ABHD3: variants seen among roughly 807,000 people sequenced by gnomAD.
ABHD3 encodes the protein abhydrolase domain containing 3, phospholipase, also known as phospholipase ABHD3.
A neutral mutation model predicts 48.8 loss-of-function variants in ABHD3; 46 were observed. The observed-to-expected ratio is 0.94, with a 90% CI of 0.74 to 1.20. ABHD3 has a LOEUF of 1.20. Ranked by LOEUF, ABHD3 falls within the 50% of genes most tolerant of loss-of-function variation. The pLI is 0.00. For synonymous variants in ABHD3, 192 were observed against 183.7 expected, an observed-to-expected ratio of 1.04 and a Z score of -0.36; for missense variants, 490 against 497.8, an observed-to-expected ratio of 0.98 and a Z score of 0.15.
Position 21,651,643 on chromosome 18 carries a change from A to G in ABHD3, c.1178T>C (p.Val393Ala), listed in dbSNP as rs947509675. 35 of 1,613,992 alleles carry G rather than the reference A, an allele frequency of 2.2e-5. No individual in the cohort carries two copies. Among genetic ancestry groups the G allele is most frequent in the Non-Finnish European group, 3.0e-5 (35 of 1,180,024 alleles). Residue 393 changes from valine (V) to alanine (A), a missense_variant, in exon 9 of 9, where the codon GTC (valine) becomes GCC (alanine). Transcript: ENST00000289119. ...WPRQSTYMDRVFKQFVQAMVE... is the reference protein window; with the variant it reads ...WPRQSTYMDRAFKQFVQAMVE... ...CATGGCTTGCACAAATTGCTTGAAG[A>G]CACGATCCATGTAAGTGGACTGTCT...
intron 4 of ABHD3, 64 bp from the exon 5 acceptor site, chr18:21,664,294 G>GA (rs2039572595): frequency 4.0e-6 from 6 of 1,500,702 alleles, no homozygotes; most frequent in Non-Finnish European, 5.5e-6. Context: ...GTAAAATGCA[G>GA]AAATGTAAAC....
At chr18:21,687,365 C>G (rs1176006792) in intron 3 of ABHD3, among the ~76,000 whole-genome samples, 1 of 145,152 alleles carries the variant, frequency 6.9e-6, no homozygotes, top group Non-Finnish European at 1.5e-5. Context: ...CCTACCACCA[C>G]GCCAGGCTAA....
At chr18:21,679,990 T>TA (rs1340421941) in intron 4 of ABHD3, among the ~76,000 whole-genome samples, 1 of 151,100 alleles carries the variant, frequency 6.6e-6, no homozygotes, top group Non-Finnish European at 1.5e-5. Context: ...AGCTTTATCT[T>TA]ACAAGATATT....
intron 5 of ABHD3, chr18:21,663,649 CAACAAAACAA>C (rs764116075): frequency 6.5e-7 from 1 of 1,533,194 alleles, no homozygotes; most frequent in Non-Finnish European, 8.7e-7. Flanking sequence ...ATTTGCCCAG[CAACAAAACAA>C]AACAAAACAA....
At chr18:21,682,789 A>C (rs2040035344) in intron 4 of ABHD3, 1 of 152,234 alleles carries the variant, frequency 6.6e-6, no homozygotes, top group Non-Finnish European at 1.5e-5. Flanking sequence ...GAGCTGCTCA[A>C]AATGATTTGC....
chr18:21,661,233 T>C (rs1374621597), intron 5 of ABHD3, among the ~76,000 whole-genome samples: 1 of 152,068 alleles, frequency 6.6e-6, no homozygotes, highest in Non-Finnish European at 1.5e-5. Flanking sequence ...ACAAGACTAT[T>C]TGGGAAATGT....
chr18:21,680,851 A>G (rs2039988557), intron 4 of ABHD3, among the ~76,000 whole-genome samples: 1 of 93,272 alleles, frequency 1.1e-5, no homozygotes, highest in East Asian at 2.8e-4. Context: ...TTCTTTTTCA[A>G]ATGTGTGTGT....
At chr18:21,669,763 C>T (rs1471189866) in intron 4 of ABHD3, among the ~76,000 whole-genome samples, 4 of 152,156 alleles carry the variant, frequency 2.6e-5, no homozygotes, top group Non-Finnish European at 4.4e-5. Context: ...ACATGGCATT[C>T]TCCCTCTCCC....
intron 4 of ABHD3, among the ~76,000 whole-genome samples, chr18:21,680,839 T>G (rs2039988189): frequency 6.7e-6 from 1 of 148,930 alleles, no homozygotes; most frequent in Non-Finnish European, 1.5e-5. Flanking sequence ...TTGTTTCTTT[T>G]TTTCTTTTTC....
rs1288515872 is a variant in ABHD3, at chr18:21,704,596, G to C, written c.70C>G (p.Arg24Gly). 6.4e-7 allele frequency: 1 copy of C among 1,554,020 alleles called. No homozygotes were observed. The highest frequency in any genetic ancestry group is 8.7e-7 in the Non-Finnish European group (1 of 1,152,738). ...ELSLYLEHQV[R>G]VGFFGSGVGL... The stretch of plus-strand genomic sequence containing the variant: ...ACCCCCGAGCCGAAGAACCCCACCC[G>C]GACTTGGTGTTCCAGGTAGAGGGAG... Residue 24 changes from arginine (R) to glycine (G), a missense_variant, in exon 1 of 9, where the codon CGG becomes GGG. Physicochemically the swap from Arg to Gly is moderately radical, Grantham distance 125. Transcript: ENST00000289119.
chr18:21,703,910 G>A lies in ABHD3; in HGVS notation c.163-163C>T, dbSNP rs573799197. On this transcript the variant is annotated intron_variant, in intron 1 of 8. Transcript: ENST00000289119. ...TTCACAGTCACAGAGGACTGAAACG[G>A]GGGTTTCGCCAATGCCCCGAGGGGA... 572 of 698,880 alleles carry A rather than the reference G, an allele frequency of 8.2e-4. 1 individual carries two copies. Among genetic ancestry groups the A allele is most frequent in the Non-Finnish European group, 1.2e-3 (495 of 427,830 alleles). 43.3% of individuals were successfully genotyped at this position (698,880 alleles called of 1,614,324 possible).
chr18:21,703,947 G>A (rs978135842), intron 1 of ABHD3, 200 bp from the exon 2 acceptor site: 27 of 563,304 alleles, frequency 4.8e-5, no homozygotes, highest in African/African-American at 4.5e-4. Flanking sequence ...GGCGAGAATC[G>A]CGATAAGGGA....
At position 21,659,292 on chromosome 18, in the gene ABHD3, C is replaced by A. The variant is rs1047500664; in HGVS notation, c.720G>T (p.Met240Ile). ...LGKIGSKTPL[M>I]AAATFSVGWN... The stretch of plus-strand genomic sequence containing the variant: ...AACCAACGGAAAAAGTTGCAGCTGC[C>A]ATCAAAGGCGTTTTGGACCCAATTT... Residue 240 changes from methionine to isoleucine, a missense_variant, in exon 6 of 9, where the codon ATG (methionine) becomes ATT (isoleucine). Coordinates refer to ENST00000289119, the MANE Select transcript of ABHD3 (RefSeq NM_138340.5). 2 of 1,613,218 alleles carry A rather than the reference C, an allele frequency of 1.2e-6. No homozygotes were observed. The highest frequency in any genetic ancestry group is 1.7e-6 in the Non-Finnish European group (2 of 1,179,750).
intron 3 of ABHD3, among the ~76,000 whole-genome samples, chr18:21,698,041 C>T (rs757292181): frequency 1.3e-5 from 2 of 152,138 alleles, no homozygotes; most frequent in African/African-American, 2.4e-5. Flanking sequence ...GTGCACCCTG[C>T]GCCTCAGGGA....
chr18:21,694,678 G>A (rs1448231496), intron 3 of ABHD3, among the ~76,000 whole-genome samples: 1 of 152,110 alleles, frequency 6.6e-6, no homozygotes, highest in African/African-American at 2.4e-5. Context: ...CAACTGTCCT[G>A]TTTCTCTCCT....
At chr18:21,652,878 C>T (rs1289537137) in intron 8 of ABHD3, among the ~76,000 whole-genome samples, 1 of 149,884 alleles carries the variant, frequency 6.7e-6, no homozygotes, top group Admixed American at 6.7e-5. Context: ...CGTGGTGAAA[C>T]CCCATCTCTA....
chr18:21,694,227 C>T (rs2040316771), intron 3 of ABHD3, among the ~76,000 whole-genome samples: 1 of 152,024 alleles, frequency 6.6e-6, no homozygotes, highest in Non-Finnish European at 1.5e-5. Context: ...CCTCGAGTAG[C>T]TGGGATTATA....
intron 5 of ABHD3, chr18:21,663,806 T>C (rs1281035378): frequency 6.5e-7 from 1 of 1,532,548 alleles, no homozygotes; most frequent in Admixed American, 2.0e-5. Context: ...TGGCTGGGAG[T>C]GCGTCAGGAA....
In ABHD3 at chr18:21,703,938, G is replaced by A. The variant is rs1025395153; in HGVS notation, c.163-191C>T. 1.0e-4 allele frequency: 59 copies of A among 584,194 alleles called. 1 individual carries two copies. In the South Asian group the frequency reaches 1.3e-3, roughly 12 times the overall value. 36.2% of individuals were successfully genotyped at this position (584,194 alleles called of 1,614,324 possible). ...GTTTCGCCAATGCCCCGAGGGGAAGGCGAGAATCGCGATAAGGGAGTTTGT... is the reference window on the plus strand; with the variant it reads ...GTTTCGCCAATGCCCCGAGGGGAAGACGAGAATCGCGATAAGGGAGTTTGT... On this transcript the variant is annotated intron_variant, in intron 1 of 8. Transcript: ENST00000289119.
Sources: gnomAD v4.1 joint callset for allele counts (sites outside exome capture counted in the v4.1 genomes callset) on GRCh38, gnomAD v4.1.1 for gene constraint, MANE v1.5 for transcripts, NCBI Gene and HGNC (gene_info 2026-07-23, HGNC 2026-07-21) for gene names.